The following ATXN7L1 variants were observed in gnomAD, a reference collection of about 807,000 sequenced individuals.
ATXN7L1 encodes ataxin 7 like 1.
In ATXN7L1, 15 loss-of-function variants were observed where a neutral mutation model predicts 70.8. The ratio of observed to expected loss-of-function variants is 0.21; its 90% CI spans 0.14 to 0.33. The LOEUF is 0.33. Among genes scored for constraint, ATXN7L1 ranks in the 10% least tolerant of loss-of-function variants. ATXN7L1 has a pLI of 1.00. For missense variants in ATXN7L1, 975 were observed against 1,097.1 expected, an observed-to-expected ratio of 0.89 and a Z score of 1.57; for synonymous variants, 440 against 445.1, an observed-to-expected ratio of 0.99 and a Z score of 0.14.
rs74941953 is a variant in ATXN7L1, at chr7:105,823,976, G to A, written c.251-35268C>T. Among the ~76,000 whole-genome samples the A allele has an allele frequency of 8.4e-3, 1,282 of 152,224 alleles. 8 individuals are homozygous for A. The highest frequency in any genetic ancestry group is 0.015 in the Non-Finnish European group (1,014 of 68,006). On this transcript the variant is annotated intron_variant, in intron 2 of 11. Transcript: ENST00000419735. ...TTTACTGGAGAAATGGGTTAGAAGAGGATCCAGACCAGGGGACAGGAGGCA... is the reference window on the plus strand; with the variant it reads ...TTTACTGGAGAAATGGGTTAGAAGAAGATCCAGACCAGGGGACAGGAGGCA...
At chr7:105,769,668 C>G (rs1801727143) in intron 3 of ATXN7L1, among the ~76,000 whole-genome samples, 1 of 152,188 alleles carries the variant, frequency 6.6e-6, no homozygotes, top group Admixed American at 6.5e-5. Context: ...TGAATATCCA[C>G]TTTGCTTCCT....
intron 4 of ATXN7L1, among the ~76,000 whole-genome samples, chr7:105,662,292 T>C (rs1348150646): frequency 1.3e-5 from 2 of 151,854 alleles, no homozygotes; most frequent in Non-Finnish European, 2.9e-5. Context: ...TTAGTAGAGA[T>C]GAGGTTTCAC....
At chr7:105,801,810 T>C (rs1417598915) in intron 2 of ATXN7L1, among the ~76,000 whole-genome samples, 4 of 152,146 alleles carry the variant, frequency 2.6e-5, no homozygotes, top group Admixed American at 1.3e-4. Flanking sequence ...TAGTTTGAAA[T>C]TGGCACAGTG....
chr7:105,658,017 G>A (rs970139651), intron 4 of ATXN7L1, among the ~76,000 whole-genome samples: 2 of 152,098 alleles, frequency 1.3e-5, no homozygotes, highest in Non-Finnish European at 2.9e-5. Context: ...AGAAAATAAT[G>A]TAATCTATCT....
chr7:105,666,118 T>C (rs1477412216), intron 3 of ATXN7L1, among the ~76,000 whole-genome samples: 1 of 151,608 alleles, frequency 6.6e-6, no homozygotes, highest in Non-Finnish European at 1.5e-5. Context: ...CGCTATGGGG[T>C]TCTTAAATTG....
chr7:105,836,411 T>G (rs1812394990), intron 2 of ATXN7L1, among the ~76,000 whole-genome samples: 2 of 152,034 alleles, frequency 1.3e-5, no homozygotes, highest in African/African-American at 4.8e-5. Context: ...GAGACGAATG[T>G]GTTAAAAAGC....
intron 3 of ATXN7L1, among the ~76,000 whole-genome samples, chr7:105,687,850 C>A (rs541980355): frequency 6.6e-6 from 1 of 152,046 alleles, no homozygotes; most frequent in East Asian, 1.9e-4. Flanking sequence ...TTCTTTCATG[C>A]ATTCCCACTG....
intron 3 of ATXN7L1, chr7:105,761,280 GC>G: frequency 6.3e-7 from 1 of 1,579,352 alleles, no homozygotes; most frequent in Non-Finnish European, 8.6e-7. Flanking sequence ...ACACTTCAGG[GC>G]TCTGCTGGAG....
At chr7:105,790,446 T>C (rs1051703446) in intron 2 of ATXN7L1, among the ~76,000 whole-genome samples, 1 of 151,832 alleles carries the variant, frequency 6.6e-6, no homozygotes, top group Non-Finnish European at 1.5e-5. Flanking sequence ...CCGGGTGAGG[T>C]GACTTGTGCC....
At chr7:105,788,548 G>C in intron 3 of ATXN7L1, 56 bp downstream of exon 3, 1 of 1,401,886 alleles carries the variant, frequency 7.1e-7, no homozygotes, top group Non-Finnish European at 1.0e-6. Flanking sequence ...AGGGGAAGGC[G>C]ACTGTCCCCA....
chr7:105,618,524 C>T (rs930151349), intron 9 of ATXN7L1, among the ~76,000 whole-genome samples: 1 of 152,268 alleles, frequency 6.6e-6, no homozygotes, highest in Admixed American at 6.5e-5. Context: ...GGTCTGGAAG[C>T]TCTTTAGGCT....
chr7:105,733,681 C>CCATCTATGCTTCCAT (rs1796966616), intron 3 of ATXN7L1, among the ~76,000 whole-genome samples: 107 of 6,458 alleles, frequency 0.017, 25 homozygotes, highest in Middle Eastern at 0.071. Context: ...CATCCATCCA[C>CCATCTATGCTTCCAT]CCATCCACCC....
At chr7:105,775,602 GA>G (rs1159070344) in intron 3 of ATXN7L1, among the ~76,000 whole-genome samples, 1 of 152,110 alleles carries the variant, frequency 6.6e-6, no homozygotes, top group Non-Finnish European at 1.5e-5. Flanking sequence ...GGTGGGAGGC[GA>G]AAATCCTGTA....
intron 2 of ATXN7L1, among the ~76,000 whole-genome samples, chr7:105,866,514 G>A (rs1276688496): frequency 6.6e-6 from 1 of 152,184 alleles, no homozygotes; most frequent in Admixed American, 6.5e-5. Context: ...TGAATATTAA[G>A]GATGCTCCGC....
chr7:105,646,938 T>C (rs768269052), intron 4 of ATXN7L1, among the ~76,000 whole-genome samples: 6 of 151,076 alleles, frequency 4.0e-5, no homozygotes, highest in Non-Finnish European at 7.4e-5. Context: ...AGTGAGACCC[T>C]GTCTTGGAAA....
intron 3 of ATXN7L1, among the ~76,000 whole-genome samples, chr7:105,736,262 G>C (rs142710858): frequency 6.6e-6 from 1 of 152,342 alleles, no homozygotes; most frequent in African/African-American, 2.4e-5. Flanking sequence ...AACATAGATT[G>C]ACTGTGTGCA....
intron 3 of ATXN7L1, among the ~76,000 whole-genome samples, chr7:105,682,617 T>C (rs1298159728): frequency 6.6e-6 from 1 of 152,170 alleles, no homozygotes; most frequent in Non-Finnish European, 1.5e-5. Flanking sequence ...GAATGAAGCA[T>C]GATACATGCT....
chr7:105,777,835 T>C (rs1802956904), intron 3 of ATXN7L1, among the ~76,000 whole-genome samples: 1 of 152,202 alleles, frequency 6.6e-6, no homozygotes, highest in South Asian at 2.1e-4. Flanking sequence ...ACCTTCAGAC[T>C]CTGTTCTACA....
intron 3 of ATXN7L1, among the ~76,000 whole-genome samples, chr7:105,670,922 C>T (rs1350316494): frequency 6.6e-6 from 1 of 151,814 alleles, no homozygotes; most frequent in Non-Finnish European, 1.5e-5. Context: ...CTGGCTAACA[C>T]GGTGAAACCC....
Sources: allele counts gnomAD v4.1 joint callset (sites outside exome capture counted in the v4.1 genomes callset), GRCh38; gene constraint gnomAD v4.1.1; transcripts MANE v1.5; gene names NCBI Gene and HGNC (gene_info 2026-07-23, HGNC 2026-07-21).